The following FGF14 variants were observed in gnomAD, a reference collection of about 807,000 sequenced individuals.
The protein encoded by FGF14 is fibroblast growth factor homologous factor 4.
Under a neutral mutation model 25.5 loss-of-function variants are expected in FGF14, and 5 were observed. That is an observed-to-expected ratio of 0.20 (90% CI 0.10 to 0.41). FGF14 has a LOEUF of 0.41. Among genes scored for constraint, FGF14 ranks in the 10% least tolerant of loss-of-function variants. The pLI, the probability that FGF14 is intolerant of heterozygous loss-of-function variation, is 1.00. For synonymous variants in FGF14, 138 were observed against 118.3 expected (o/e 1.17, Z -1.08); for missense variants, 222 against 320.1 (o/e 0.69, Z 2.34).
At chr13:102,353,038 T>G (rs970250845) in intron 1 of FGF14, among the ~76,000 whole-genome samples, 1 of 152,168 alleles carries the variant, frequency 6.6e-6, no homozygotes, top group African/African-American at 2.4e-5. Context: ...GGATATAGTT[T>G]AAATTCCAAA....
chr13:102,237,087 C>T (rs547549421), intron 1 of FGF14, among the ~76,000 whole-genome samples: 20 of 152,300 alleles, frequency 1.3e-4, no homozygotes, highest in African/African-American at 2.9e-4. Context: ...CCAGGAACAC[C>T]GCAGGCTGAA....
intron 3 of FGF14, among the ~76,000 whole-genome samples, chr13:101,854,344 CT>C (rs1317886076): frequency 6.6e-6 from 1 of 152,044 alleles, no homozygotes; most frequent in Non-Finnish European, 1.5e-5. Flanking sequence ...CATTCATTCC[CT>C]ACTAAACTGA....
intron 3 of FGF14, among the ~76,000 whole-genome samples, chr13:101,838,783 T>A (rs905498444): frequency 2.0e-5 from 3 of 152,072 alleles, no homozygotes; most frequent in Admixed American, 2.0e-4. Context: ...AAGTTATACC[T>A]AATTAAAACT....
intron 1 of FGF14, among the ~76,000 whole-genome samples, chr13:102,300,623 T>TAC (rs1257804232): frequency 6.6e-6 from 1 of 152,116 alleles, no homozygotes; most frequent in Non-Finnish European, 1.5e-5. Context: ...GACTATAATT[T>TAC]ACAACCCCAT....
intron 1 of FGF14, among the ~76,000 whole-genome samples, chr13:102,194,398 T>G (rs1328941289): frequency 6.6e-6 from 1 of 150,686 alleles, no homozygotes; most frequent in African/African-American, 2.5e-5. Flanking sequence ...AAGCCCCACA[T>G]GCATTAGCTA....
chr13:102,373,481 G>A (rs778475314), intron 1 of FGF14: 1 of 152,134 alleles, frequency 6.6e-6, no homozygotes, highest in Non-Finnish European at 1.5e-5. Flanking sequence ...GTTCATCTGA[G>A]TCATACCAAA....
intron 1 of FGF14, among the ~76,000 whole-genome samples, chr13:102,158,285 C>G (rs1344570375): frequency 3.9e-5 from 6 of 152,082 alleles, no homozygotes; most frequent in African/African-American, 1.4e-4. Flanking sequence ...GTCCAACAAT[C>G]ATAGACTGGA....
chr13:102,161,628 G>GTACCCC, intron 1 of FGF14, among the ~76,000 whole-genome samples: 16 of 6,246 alleles, frequency 2.6e-3, no homozygotes, highest in African/African-American at 0.014. Context: ...AGAAGAAGAA[G>GTACCCC]AAGAAGAAGA....
chr13:102,090,502 G>C (rs1047777966), intron 1 of FGF14, among the ~76,000 whole-genome samples: 9 of 152,270 alleles, frequency 5.9e-5, no homozygotes, highest in Admixed American at 1.3e-4. Context: ...ACCTTTATCA[G>C]AGTAGTTTAC....
At chr13:101,910,013 C>T (rs1003604018) in intron 1 of FGF14, among the ~76,000 whole-genome samples, 5 of 151,380 alleles carry the variant, frequency 3.3e-5, no homozygotes, top group Non-Finnish European at 5.9e-5. Flanking sequence ...AAACACCGCA[C>T]GTTCTCACTC....
chr13:102,259,095 C>G (rs1566872740), intron 1 of FGF14, among the ~76,000 whole-genome samples: 1 of 152,182 alleles, frequency 6.6e-6, no homozygotes, highest in Non-Finnish European at 1.5e-5. Context: ...CACAAAGAGG[C>G]TGTCCTGAAA....
intron 1 of FGF14, among the ~76,000 whole-genome samples, chr13:102,271,380 T>C (rs1265454314): frequency 1.3e-5 from 2 of 152,182 alleles, no homozygotes; most frequent in African/African-American, 4.8e-5. Context: ...CAGCCATTCA[T>C]GTAATTTTCT....
At chr13:101,931,269 C>T (rs1337904172) in intron 1 of FGF14, among the ~76,000 whole-genome samples, 1 of 152,130 alleles carries the variant, frequency 6.6e-6, no homozygotes, top group African/African-American at 2.4e-5. Flanking sequence ...TTCATTCTCC[C>T]TGGTCCTGGC....
chr13:102,159,471 A>G (rs1027877491), intron 1 of FGF14, among the ~76,000 whole-genome samples: 3 of 152,182 alleles, frequency 2.0e-5, no homozygotes, highest in Admixed American at 6.5e-5. Flanking sequence ...ATAGTTCCCA[A>G]AGGAAAATGC....
At chr13:102,091,467 C>G (rs533269714) in intron 1 of FGF14, among the ~76,000 whole-genome samples, 1 of 151,286 alleles carries the variant, frequency 6.6e-6, no homozygotes, top group Non-Finnish European at 1.5e-5. Flanking sequence ...TCACCCCCCA[C>G]CAACAGCAGA....
intron 1 of FGF14, among the ~76,000 whole-genome samples, chr13:102,208,391 T>C (rs776152296): frequency 8.5e-5 from 13 of 152,318 alleles, no homozygotes; most frequent in Non-Finnish European, 1.2e-4. Flanking sequence ...GTACACAGCA[T>C]CATGCTTCCA....
At chr13:101,988,794 C>A (rs1414303239) in intron 1 of FGF14, among the ~76,000 whole-genome samples, 1 of 151,930 alleles carries the variant, frequency 6.6e-6, no homozygotes, top group Non-Finnish European at 1.5e-5. Context: ...GAACATGGCA[C>A]ATGTATACAT....
intron 4 of FGF14, among the ~76,000 whole-genome samples, chr13:101,724,096 A>C (rs1298230593): frequency 2.6e-5 from 4 of 152,064 alleles, no homozygotes; most frequent in Non-Finnish European, 5.9e-5. Flanking sequence ...AGCAAAAGGA[A>C]CTAATGCGTA....
At chr13:102,350,588 T>C (rs908900430) in intron 1 of FGF14, among the ~76,000 whole-genome samples, 2 of 152,144 alleles carry the variant, frequency 1.3e-5, no homozygotes, top group Non-Finnish European at 2.9e-5. Flanking sequence ...GCACAACTTT[T>C]TAGGATAAAT....
Sources: gnomAD v4.1 joint callset for allele counts (sites outside exome capture counted in the v4.1 genomes callset) on GRCh38, gnomAD v4.1.1 for gene constraint, MANE v1.5 for transcripts, NCBI Gene and HGNC (gene_info 2026-07-23, HGNC 2026-07-21) for gene names.